The following GATM variants were observed in gnomAD, a reference collection of about 807,000 sequenced individuals.
GATM encodes glycine amidinotransferase, mitochondrial.
GATM carries 23 observed loss-of-function variants against 54.2 expected under a neutral mutation model. The observed-to-expected ratio is 0.42, with a 90% CI of 0.31 to 0.60. The LOEUF is 0.60. GATM is among the 20% of genes least tolerant of loss of function. GATM has a pLI of 0.14. For synonymous variants in GATM, 168 were observed against 183.1 expected (o/e 0.92, Z 0.67); for missense variants, 401 against 544.9 (o/e 0.74, Z 2.63).
chr15:45,378,677 C>G (rs952648585), upstream of GATM: 1 of 401,772 alleles, frequency 2.5e-6, no homozygotes. Flanking sequence ...CGGGAAGCGC[C>G]GCGGCCGCTG....
rs1386486070 is a variant in GATM, at chr15:45,388,279, G to T, written c.-319+8643C>A. 2.0e-5 allele frequency among the ~76,000 whole-genome samples: 3 copies of T among 152,148 alleles called. No individual in the cohort carries two copies. The East Asian group carries it at 5.8e-4, about 29-fold the overall frequency. ...TTGTGGGAAATTTTGTTTTCTATCT[G>T]TTTTTGGATTTACAGAAAAGTTACA... On this transcript the variant is annotated intron_variant, in intron 3 of 4. Coordinates refer to the GATM transcript ENST00000561148.
intron 2 of GATM, among the ~76,000 whole-genome samples, chr15:45,376,190 C>T (rs1214088185): frequency 1.3e-5 from 2 of 152,124 alleles, no homozygotes; most frequent in Non-Finnish European, 2.9e-5. Context: ...GGCAATATCC[C>T]GTAAGGAGTT....
At chr15:45,399,610 T>C (rs1372111400) in intron 1 of GATM, 1 of 155,110 alleles carries the variant, frequency 6.4e-6, no homozygotes, top group Admixed American at 6.5e-5. Context: ...AAAAAATAAA[T>C]TGCTGTCATT....
chr15:45,377,420 A>G (rs1889657670), intron 1 of GATM: 2 of 378,472 alleles, frequency 5.3e-6, no homozygotes, highest in Non-Finnish European at 1.0e-5. Context: ...AGCAACTGCC[A>G]TCTGCTCCAT....
intron 1 of GATM, chr15:45,377,304 G>A (rs1889656169): frequency 4.4e-6 from 2 of 450,624 alleles, no homozygotes; most frequent in Middle Eastern, 3.4e-4. Flanking sequence ...GAAAAGTTGG[G>A]AACATTTGTA....
chr15:45,362,106 T>C lies in GATM; in HGVS notation c.*3A>G, dbSNP rs1162454385. On this transcript the variant is annotated 3_prime_UTR_variant, in exon 9 of 9. Transcript: ENST00000396659. The stretch of plus-strand genomic sequence containing the variant: ...GGCCAGCCACAAGCTCCATCAGGCC[T>C]GTTCAGTCCAAGTAGGACTGTAAGG... 1.9e-6 allele frequency: 3 copies of C among 1,572,084 alleles called. No homozygotes were observed. Among genetic ancestry groups the C allele is most frequent in the Non-Finnish European group, 2.6e-6 (3 of 1,142,472 alleles).
chr15:45,385,274 T>C (rs1372465160), intron 3 of GATM, among the ~76,000 whole-genome samples: 1 of 152,216 alleles, frequency 6.6e-6, no homozygotes, highest in Non-Finnish European at 1.5e-5. Context: ...TCTTGTAGCC[T>C]AAATTCCTTT....
upstream of GATM, chr15:45,378,973 T>C (rs1451213378): frequency 6.6e-6 from 1 of 152,124 alleles, no homozygotes; most frequent in Non-Finnish European, 1.5e-5. Context: ...CACCTAAAGA[T>C]TAGGTGGTTT....
intron 3 of GATM, among the ~76,000 whole-genome samples, chr15:45,387,541 T>C (rs1382998442): frequency 3.3e-5 from 5 of 152,238 alleles, no homozygotes; most frequent in African/African-American, 1.2e-4. Context: ...TAATACTTTT[T>C]TTAGAGCACT....
intron 2 of GATM, among the ~76,000 whole-genome samples, chr15:45,374,755 A>G (rs1347981989): frequency 6.6e-6 from 1 of 152,234 alleles, no homozygotes; most frequent in Non-Finnish European, 1.5e-5. Context: ...CTCTTCAAAT[A>G]GAAAGGAAGA....
intron 3 of GATM, among the ~76,000 whole-genome samples, chr15:45,392,694 A>G (rs1236971729): frequency 6.6e-6 from 1 of 152,174 alleles, no homozygotes; most frequent in Non-Finnish European, 1.5e-5. Flanking sequence ...TCCCAAAAGC[A>G]TTGTATTTGA....
chr15:45,386,798 A>T (rs1889808451), intron 3 of GATM, among the ~76,000 whole-genome samples: 1 of 152,206 alleles, frequency 6.6e-6, no homozygotes, highest in Admixed American at 6.5e-5. Flanking sequence ...TGTCTTGGGC[A>T]ACATCCCAGG....
chr15:45,381,936 G>T (rs1310310883), upstream of GATM, among the ~76,000 whole-genome samples: 1 of 152,180 alleles, frequency 6.6e-6, no homozygotes, highest in Admixed American at 6.5e-5. Flanking sequence ...GTTGTCCCTG[G>T]GGAGGGGACC....
chr15:45,381,851 AT>A (rs1402559966), upstream of GATM, among the ~76,000 whole-genome samples: 1 of 152,180 alleles, frequency 6.6e-6, no homozygotes, highest in African/African-American at 2.4e-5. Context: ...TAAAGCTGCA[AT>A]TTTTTTAGAA....
chr15:45,362,373 C>T lies in GATM; in HGVS notation c.1160-152G>A, dbSNP rs1279081429. 4.5e-6 allele frequency: 3 copies of T among 667,030 alleles called. No homozygotes were observed. The African/African-American group carries it at 5.4e-5, about 12-fold the overall frequency. 41.3% of individuals were successfully genotyped at this position (667,030 alleles called of 1,614,324 possible). On this transcript the variant is annotated intron_variant, in intron 8 of 8. Coordinates refer to ENST00000396659, the MANE Select transcript of GATM (RefSeq NM_001482.3). ...ATTTTCTCTTCCAATTTTATTTTCA[C>T]CAACTATATTTCATCTGCTAATATA...
intron 2 of GATM, among the ~76,000 whole-genome samples, chr15:45,371,648 T>G (rs980222153): frequency 1.3e-5 from 2 of 152,244 alleles, no homozygotes; most frequent in African/African-American, 2.4e-5. Flanking sequence ...GGTCACATGC[T>G]TGCTAGCTAT....
intron 3 of GATM, among the ~76,000 whole-genome samples, chr15:45,391,192 G>A (rs1889869321): frequency 1.3e-5 from 2 of 151,322 alleles, no homozygotes; most frequent in Non-Finnish European, 1.5e-5. Context: ...ATCATCTGAG[G>A]TCAGAAGTTT....
upstream of GATM, among the ~76,000 whole-genome samples, chr15:45,382,725 G>A (rs1164779332): frequency 1.3e-5 from 2 of 152,012 alleles, no homozygotes; most frequent in Non-Finnish European, 2.9e-5. Flanking sequence ...CCCAGGAGGT[G>A]GAGGTTGCCC....
chr15:45,381,626 A>C (rs1257531833), upstream of GATM, among the ~76,000 whole-genome samples: 1 of 152,244 alleles, frequency 6.6e-6, no homozygotes, highest in Non-Finnish European at 1.5e-5. Flanking sequence ...CCTAGAACTT[A>C]AGAATACAGA....
Sources: allele counts gnomAD v4.1 joint callset (sites outside exome capture counted in the v4.1 genomes callset), GRCh38; gene constraint gnomAD v4.1.1; transcripts MANE v1.5; gene names NCBI Gene and HGNC (gene_info 2026-07-23, HGNC 2026-07-21).